RIN2: variants seen among roughly 807,000 people sequenced by gnomAD.
The protein encoded by RIN2 is RAB5 interacting protein 2.
Under a neutral mutation model 78.0 loss-of-function variants are expected in RIN2, and 36 were observed. That is an observed-to-expected ratio of 0.46 (90% CI 0.35 to 0.61). The LOEUF (loss-of-function observed/expected upper bound fraction) is 0.61, where lower values mean the gene tolerates loss of function less well. Ranked by LOEUF, RIN2 falls within the 20% of genes least tolerant of loss-of-function variation. The pLI is 0.00. For synonymous variants in RIN2, 466 were observed against 466.8 expected (o/e 1.00, Z 0.02); for missense variants, 1,087 against 1,159.7 (o/e 0.94, Z 0.91).
intron 2 of RIN2, among the ~76,000 whole-genome samples, chr20:19,868,191 C>T (rs1249168906): frequency 3.3e-5 from 5 of 152,228 alleles, no homozygotes; most frequent in African/African-American, 4.8e-5. Context: ...TGAAGATGGC[C>T]TTTCTTCTGA....
chr20:19,930,117 C>CA (rs1204630386), intron 3 of RIN2, among the ~76,000 whole-genome samples: 1 of 151,746 alleles, frequency 6.6e-6, no homozygotes, highest in Non-Finnish European at 1.5e-5. Context: ...TGCGAGGGAC[C>CA]AAAAAAAAGT....
At chr20:19,877,028 G>T in intron 2 of RIN2, among the ~76,000 whole-genome samples, 1 of 152,200 alleles carries the variant, frequency 6.6e-6, no homozygotes, top group Middle Eastern at 3.2e-3. Flanking sequence ...GAAGAGGTCA[G>T]TTTGGCCCAG....
Position 19,971,178 on chromosome 20 carries a change from G to A in RIN2, c.628+249G>A, listed in dbSNP as rs7265887. 0.025 allele frequency among the ~76,000 whole-genome samples: 3,419 copies of A among 139,114 alleles called. 87 individuals carry two copies. Among genetic ancestry groups the A allele is most frequent in the African/African-American group, 0.076 (2,607 of 34,288 alleles). 91.3% of individuals were successfully genotyped at this position (139,114 alleles called of 152,430 possible). A position where few individuals can be genotyped will look rare whatever the true frequency, so the allele number is the denominator to read the frequency against. On this transcript the variant is annotated intron_variant, in intron 8 of 12. Transcript: ENST00000255006. ...AGAAATCCAGTGTAGTGCATCTCGC[G>A]TGCATGATTTTTTTTTTTTGAGGGG...
At position 20,001,226 on chromosome 20, in the gene RIN2, G is replaced by C; in HGVS notation, c.*290G>C. The C allele has an allele frequency of 2.5e-6, 1 of 405,836 alleles. No individual in the cohort carries two copies. The highest frequency in any genetic ancestry group is 3.7e-5 in the Admixed American group (1 of 26,868). 25.1% of individuals were successfully genotyped at this position (405,836 alleles called of 1,614,324 possible). On this transcript the variant is annotated 3_prime_UTR_variant, in exon 13 of 13. Transcript: ENST00000255006. ...CAGTCAGGTTCTAGGTTGGCTTACA[G>C]GTATGTATATGTGCAGAAGAAACAC...
At chr20:19,767,087 C>T (rs1249967024) in intron 1 of RIN2, among the ~76,000 whole-genome samples, 1 of 152,176 alleles carries the variant, frequency 6.6e-6, no homozygotes, top group African/African-American at 2.4e-5. Context: ...TACAGATTTA[C>T]TTAACGTGTC....
chr20:19,963,693 A>C (rs1226989045), intron 6 of RIN2, among the ~76,000 whole-genome samples: 1 of 151,986 alleles, frequency 6.6e-6, no homozygotes, highest in Admixed American at 6.6e-5. Context: ...AATCTTCATA[A>C]AACAGGATAT....
intron 1 of RIN2, among the ~76,000 whole-genome samples, chr20:19,759,318 T>C (rs1193511913): frequency 6.6e-6 from 1 of 152,060 alleles, no homozygotes; most frequent in Non-Finnish European, 1.5e-5. Flanking sequence ...TGGGGTTTCT[T>C]AGGAACACGC....
chr20:19,894,273 G>A (rs933888212), intron 3 of RIN2, among the ~76,000 whole-genome samples: 1 of 152,080 alleles, frequency 6.6e-6, no homozygotes, highest in Non-Finnish European at 1.5e-5. Context: ...TGAATTAGGG[G>A]CAGAGATGCT....
chr20:19,849,830 A>G (rs1474098304), intron 2 of RIN2, among the ~76,000 whole-genome samples: 1 of 152,210 alleles, frequency 6.6e-6, no homozygotes, highest in East Asian at 1.9e-4. Flanking sequence ...TTAAAATACA[A>G]GTCTCTTAAT....
At chr20:19,837,217 G>GCACACA (rs2036449340) in intron 2 of RIN2, among the ~76,000 whole-genome samples, 1 of 146,080 alleles carries the variant, frequency 6.8e-6, no homozygotes, top group African/African-American at 2.6e-5. Context: ...CACACAGAGT[G>GCACACA]AATTACACAG....
chr20:19,783,140 T>G (rs1359153274), intron 1 of RIN2, among the ~76,000 whole-genome samples: 2 of 152,248 alleles, frequency 1.3e-5, no homozygotes, highest in African/African-American at 4.8e-5. Context: ...GGTAGTGTGT[T>G]GCTGTATCAG....
chr20:19,941,788 T>C (rs2040881347), intron 4 of RIN2, among the ~76,000 whole-genome samples: 1 of 152,112 alleles, frequency 6.6e-6, no homozygotes, highest in Non-Finnish European at 1.5e-5. Context: ...CGCTACACTA[T>C]CACCAATGTA....
intron 1 of RIN2, among the ~76,000 whole-genome samples, chr20:19,791,337 A>C (rs1299022211): frequency 6.6e-6 from 1 of 152,230 alleles, no homozygotes; most frequent in Non-Finnish European, 1.5e-5. Context: ...AATTCTGTGG[A>C]TGTTATTTAA....
intron 2 of RIN2, among the ~76,000 whole-genome samples, chr20:19,803,475 AAAACAAGC>A (rs1347024770): frequency 6.6e-6 from 1 of 152,214 alleles, no homozygotes; most frequent in Non-Finnish European, 1.5e-5. Context: ...AAACCTGACA[AAAACAAGC>A]AATGGGGAAA....
chr20:19,992,254 G>T lies in RIN2; in HGVS notation c.2155G>T (p.Glu719Ter), dbSNP rs751406434. 1 of 1,594,618 alleles carries T rather than the reference G, an allele frequency of 6.3e-7. No homozygotes were observed. ...CATGCTTGAATTGGACACTGAAATC[G>T]AGTACATGATGGAGCTCCTAGACCC... ...CDMLELDTEI[E>*]YMMELLDPSL... is the part of the protein sequence containing the mutation. The change falls in exon 11 of 13, where the codon GAG becomes TAG. Residue 719 changes from glutamate (E) to a stop codon, truncating the protein, a stop_gained. Transcript: ENST00000255006. LOFTEE classifies it high-confidence loss of function.
chr20:19,998,751 A>C (rs1196175119), intron 12 of RIN2, among the ~76,000 whole-genome samples: 1 of 151,994 alleles, frequency 6.6e-6, no homozygotes, highest in African/African-American at 2.4e-5. Context: ...CACTCTCCCC[A>C]CCCTGTTGCA....
intron 2 of RIN2, among the ~76,000 whole-genome samples, chr20:19,841,420 C>T (rs2036572693): frequency 6.6e-6 from 1 of 152,008 alleles, no homozygotes; most frequent in South Asian, 2.1e-4. Context: ...ACAAACGCAG[C>T]CCCATAGATT....
chr20:19,899,670 G>A (rs541485256), intron 3 of RIN2, among the ~76,000 whole-genome samples: 2 of 152,138 alleles, frequency 1.3e-5, no homozygotes, highest in South Asian at 2.1e-4. Context: ...GGCAGGTCTC[G>A]GTCCATTGTC....
At chr20:19,772,201 C>G (rs1323065272) in intron 1 of RIN2, among the ~76,000 whole-genome samples, 1 of 152,190 alleles carries the variant, frequency 6.6e-6, no homozygotes, top group Non-Finnish European at 1.5e-5. Flanking sequence ...TATGGCCCAA[C>G]TTTAGAGAAC....
Sources: gnomAD v4.1 joint callset for allele counts (sites outside exome capture counted in the v4.1 genomes callset) on GRCh38, gnomAD v4.1.1 for gene constraint, MANE v1.5 for transcripts, NCBI Gene and HGNC (gene_info 2026-07-23, HGNC 2026-07-21) for gene names.